Variants in MRPL40 observed in about 807,000 individuals in gnomAD.
The protein encoded by MRPL40 is mitochondrial ribosomal protein L40, also known as large ribosomal subunit protein mL40.
A neutral mutation model predicts 24.5 loss-of-function variants in MRPL40; 18 were observed. The ratio of observed to expected loss-of-function variants is 0.73; its 90% CI spans 0.51 to 1.09. The LOEUF is 1.09. Among genes scored for constraint, MRPL40 ranks in the 50% least tolerant of loss-of-function variants. The pLI, the probability that MRPL40 is intolerant of heterozygous loss-of-function variation, is 0.00. For synonymous variants in MRPL40, 108 were observed against 94.6 expected, an observed-to-expected ratio of 1.14 and a Z score of -0.82; for missense variants, 256 against 243.8, an observed-to-expected ratio of 1.05 and a Z score of -0.33.
intron 2 of MRPL40, among the ~76,000 whole-genome samples, chr22:19,434,216 CTTTTTTTT>C (rs35856980): frequency 7.0e-5 from 6 of 85,292 alleles, no homozygotes; most frequent in East Asian, 3.5e-4. Flanking sequence ...TGCTTTTGTA[CTTTTTTTT>C]TTTTTTTTTT....
At position 19,435,718 on chromosome 22, in the gene MRPL40, A is replaced by G. The variant is rs1458559013; in HGVS notation, c.377A>G (p.Gln126Arg). Residue 126 changes from glutamine (Q) to arginine (R), a missense_variant, in exon 4 of 4, where the codon CAG (glutamine) becomes CGG (arginine). By Grantham distance (43) the Gln-to-Arg change is conservative. Transcript: ENST00000333130. Reference sequence around the variant, plus strand: ...CTGAAGAAGTGGTCCTTGTACAAGCAGCAAGAGCGTAAGATGGAGAGGGAC... The same window carrying G: ...CTGAAGAAGTGGTCCTTGTACAAGCGGCAAGAGCGTAAGATGGAGAGGGAC... ...LLLKKWSLYK[Q>R]QERKMERDTI... is the part of the protein sequence containing the mutation. The G allele has an allele frequency of 6.2e-7, 1 of 1,614,040 alleles. No individual in the cohort carries two copies.
chr22:19,435,187 C>G lies in MRPL40; in HGVS notation c.296+293C>G, dbSNP rs148836025. The stretch of plus-strand genomic sequence containing the variant: ...ATGAGGAGTCTTGGCTGTTTCTGAT[C>G]CCTTGGGCCTGGAGTCTGAAGCCCT... On this transcript the variant is annotated intron_variant, in intron 3 of 3. Transcript: ENST00000333130. Among the ~76,000 whole-genome samples the G allele has an allele frequency of 3.0e-3, 450 of 152,290 alleles. 1 individual carries two copies. The highest frequency in any genetic ancestry group is 7.0e-3 in the Admixed American group (107 of 15,306).
At position 19,434,738 on chromosome 22, in the gene MRPL40, C is replaced by T; in HGVS notation, c.140C>T (p.Ser47Leu). 1 of 1,586,458 alleles carries T rather than the reference C, an allele frequency of 6.3e-7. No individual in the cohort carries two copies. The highest frequency in any genetic ancestry group is 8.5e-7 in the Non-Finnish European group (1 of 1,172,454). Residue 47 changes from serine (S) to leucine (L), a missense_variant and splice_region_variant, in exon 3 of 4, where the codon TCA (serine) becomes TTA (leucine). Transcript: ENST00000333130. ...LSFWELIPMRSEPLRKKKKVD... is the reference protein window; with the variant it reads ...LSFWELIPMRLEPLRKKKKVD... The stretch of plus-strand genomic sequence containing the variant: ...TTAATATTTGCTTTATCTATTAGAT[C>T]AGAACCTCTTCGAAAAAAGAAGAAG...
In MRPL40 at chr22:19,434,801, T is replaced by G. The variant is rs1253256894; in HGVS notation, c.203T>G (p.Leu68Trp). ...AAAGACCAAGAAGCAAAGGAGCGCTTGAAAAGGAAGATCCGAAAACTGGAA... is the reference window on the plus strand; with the variant it reads ...AAAGACCAAGAAGCAAAGGAGCGCTGGAAAAGGAAGATCCGAAAACTGGAA... ...PKKDQEAKER[L>W]KRKIRKLEKA... Residue 68 changes from leucine to tryptophan, a missense_variant, in exon 3 of 4, where the codon TTG (leucine) becomes TGG (tryptophan). By Grantham distance (61) the Leu-to-Trp change is moderately conservative (BLOSUM62 -2). Coordinates refer to ENST00000333130, the MANE Select transcript of MRPL40 (RefSeq NM_003776.4). The G allele has an allele frequency of 5.0e-6, 8 of 1,612,106 alleles. No homozygotes were observed. The highest frequency in any genetic ancestry group is 6.8e-6 in the Non-Finnish European group (8 of 1,179,540).
intron 1 of MRPL40, chr22:19,432,911 T>G (rs2146268560): frequency 8.3e-7 from 1 of 1,209,116 alleles, no homozygotes; most frequent in Non-Finnish European, 1.1e-6. Context: ...TATTTTCCTG[T>G]GAAGTGGGAG....
intron 1 of MRPL40, chr22:19,432,856 T>G: frequency 7.4e-7 from 1 of 1,351,820 alleles, no homozygotes. Context: ...TGCTGTCATA[T>G]CAAGTAGTTA....
At chr22:19,434,963 C>T in intron 3 of MRPL40, 69 bp downstream of exon 3, 1 of 1,316,648 alleles carries the variant, frequency 7.6e-7, no homozygotes, top group Non-Finnish European at 1.0e-6. Context: ...GTAGTTGTGT[C>T]TGTAGTTCAC....
At position 19,435,707 on chromosome 22, in the gene MRPL40, C is replaced by A. The variant is rs1183724586; in HGVS notation, c.366C>A (p.Ser122=). Residue 122 remains serine, a synonymous_variant, in exon 4 of 4, where the codon TCC becomes TCA. Transcript: ENST00000333130. ...ERRALLLKKW[S]LYKQQERKME... Reference sequence around the variant, plus strand: ...GAGCTCTGCTTCTGAAGAAGTGGTCCTTGTACAAGCAGCAAGAGCGTAAGA... The same window carrying A: ...GAGCTCTGCTTCTGAAGAAGTGGTCATTGTACAAGCAGCAAGAGCGTAAGA... 3 of 1,614,100 alleles carry A rather than the reference C, an allele frequency of 1.9e-6. No individual in the cohort carries two copies. The South Asian group carries it at 3.3e-5, about 18-fold the overall frequency.
Position 19,434,797 on chromosome 22 carries a change from C to G in MRPL40, c.199C>G (p.Arg67Gly). The change falls in exon 3 of 4, where the codon CGC (arginine) becomes GGC (glycine). Residue 67 changes from arginine to glycine, a missense_variant. Transcript: ENST00000333130. The part of the protein sequence containing the change: ...DPKKDQEAKE[R>G]LKRKIRKLEK... Reference sequence around the variant, plus strand: ...TAAAAAAGACCAAGAAGCAAAGGAGCGCTTGAAAAGGAAGATCCGAAAACT... The same window carrying G: ...TAAAAAAGACCAAGAAGCAAAGGAGGGCTTGAAAAGGAAGATCCGAAAACT... 1 of 1,612,092 alleles carries G rather than the reference C, an allele frequency of 6.2e-7. No individual in the cohort carries two copies. Among genetic ancestry groups the G allele is most frequent in the South Asian group, 1.1e-5 (1 of 90,630 alleles).
rs2089575562 is a variant in MRPL40, at chr22:19,434,744, C to G, written c.146C>G (p.Pro49Arg). The G allele has an allele frequency of 6.3e-7, 1 of 1,588,816 alleles. No individual in the cohort carries two copies. Among genetic ancestry groups the G allele is most frequent in the Non-Finnish European group, 8.5e-7 (1 of 1,173,506 alleles). Reference protein sequence around the residue: ...FWELIPMRSEPLRKKKKVDPK... With the variant: ...FWELIPMRSERLRKKKKVDPK... ...TTTGCTTTATCTATTAGATCAGAAC[C>G]TCTTCGAAAAAAGAAGAAGGTAGAT... Residue 49 changes from proline to arginine, a missense_variant, in exon 3 of 4, where the codon CCT (proline) becomes CGT (arginine). Transcript: ENST00000333130.
At position 19,434,912 on chromosome 22, in the gene MRPL40, G is replaced by A. The variant is rs760926577; in HGVS notation, c.296+18G>A. 11 of 1,572,338 alleles carry A rather than the reference G, an allele frequency of 7.0e-6. No individual in the cohort carries two copies. In the Admixed American group the frequency reaches 1.0e-4, roughly 14 times the overall value. On this transcript the variant is annotated intron_variant, in intron 3 of 3. Transcript: ENST00000333130. ...AAAGCAAGGTAAGGATCCTTCTCTA[G>A]GGATGAAGTCCTCAGGACAAAGGAG...
chr22:19,435,719 G>A lies in MRPL40; in HGVS notation c.378G>A (p.Gln126=). Residue 126 remains glutamine (Q), a synonymous_variant, in exon 4 of 4, where the codon CAG becomes CAA. Coordinates refer to ENST00000333130, the MANE Select transcript of MRPL40 (RefSeq NM_003776.4). ...LLLKKWSLYK[Q]QERKMERDTI... is the part of the protein sequence containing the mutation. The stretch of plus-strand genomic sequence containing the variant: ...TGAAGAAGTGGTCCTTGTACAAGCA[G>A]CAAGAGCGTAAGATGGAGAGGGACA... 1 of 1,614,140 alleles carries A rather than the reference G, an allele frequency of 6.2e-7. No individual in the cohort carries two copies. The highest frequency in any genetic ancestry group is 8.5e-7 in the Non-Finnish European group (1 of 1,180,030).
chr22:19,433,436 T>C (rs12168943), intron 2 of MRPL40, 88 bp downstream of exon 2: 59,446 of 766,272 alleles, frequency 0.078, 2,633 homozygotes, highest in Middle Eastern at 0.12. Flanking sequence ...ATGTGTGGTT[T>C]GCAAAATTAA....
intron 1 of MRPL40, 48 bp downstream of exon 1, chr22:19,432,655 G>A: frequency 6.6e-7 from 1 of 1,518,778 alleles, no homozygotes. Context: ...GGCGCGTGCG[G>A]GGTCTTCGCG....
At chr22:19,434,059 G>A (rs974423099) in intron 2 of MRPL40, among the ~76,000 whole-genome samples, 5 of 151,842 alleles carry the variant, frequency 3.3e-5, no homozygotes, top group African/African-American at 4.8e-5. Context: ...CTGAGCCACC[G>A]CACCCAGTCC....
In MRPL40 at chr22:19,433,256, A is replaced by C. The variant is rs749259757; in HGVS notation, c.54-9A>C. Reference sequence around the variant, plus strand: ...AGCAGATATTTATACATACTCTTGTATCTTTCAGGCTTCTGGGAACTTGGC... The same window carrying C: ...AGCAGATATTTATACATACTCTTGTCTCTTTCAGGCTTCTGGGAACTTGGC... On this transcript the variant is annotated splice_polypyrimidine_tract_variant and intron_variant, in intron 1 of 3. Transcript: ENST00000333130. The C allele has an allele frequency of 1.3e-6, 2 of 1,594,366 alleles. No homozygotes were observed. Among genetic ancestry groups the C allele is most frequent in the South Asian group, 1.1e-5 (1 of 90,602 alleles).
intron 2 of MRPL40, among the ~76,000 whole-genome samples, chr22:19,433,805 C>T (rs568437897): frequency 6.6e-6 from 1 of 152,120 alleles, no homozygotes; most frequent in Non-Finnish European, 1.5e-5. Context: ...CTGTGTCACC[C>T]AGGCTGGAGT....
rs769143829 is a variant in MRPL40 at position 19,436,005 on chromosome 22, G to T, written c.*43G>T. On this transcript the variant is annotated 3_prime_UTR_variant, in exon 4 of 4. Coordinates refer to ENST00000333130, the MANE Select transcript of MRPL40 (RefSeq NM_003776.4). ...CTTAACATGCTGCCCCTGAGAGTAG[G>T]AATGACCAGGGTTCAAGTCTGCTTT... The T allele has an allele frequency of 6.7e-7, 1 of 1,500,522 alleles. No homozygotes were observed. The allele number at this position is 1,500,522 out of a possible 1,614,324, so 93.0% of individuals were successfully genotyped here. A position where few individuals can be genotyped will look rare whatever the true frequency, so the allele number is the denominator to read the frequency against.
Position 19,433,319 on chromosome 22 carries a change from G to A in MRPL40, c.108G>A (p.Leu36=). ...GAGAGACTCACCAGCGAGCGTCATT[G>A]TTGTCTTTCTGGGAACTCATTCCCA... ...QLRETHQRAS[L]LSFWELIPMR... is the part of the protein sequence containing the mutation. Residue 36 remains leucine (L), a synonymous_variant, in exon 2 of 4, where the codon TTG becomes TTA. Transcript: ENST00000333130. 6.2e-7 allele frequency: 1 copy of A among 1,612,932 alleles called. No homozygotes were observed. The highest frequency in any genetic ancestry group is 1.7e-5 in the Admixed American group (1 of 59,998).
Sources: gnomAD v4.1 joint callset for allele counts (sites outside exome capture counted in the v4.1 genomes callset) on GRCh38, gnomAD v4.1.1 for gene constraint, MANE v1.5 for transcripts, NCBI Gene and HGNC (gene_info 2026-07-23, HGNC 2026-07-21) for gene names.